The following TRPC3 variants were observed in gnomAD, a reference collection of about 807,000 sequenced individuals.
TRPC3 encodes the protein short transient receptor potential channel 3.
TRPC3 carries 54 observed loss-of-function variants against 90.9 expected under a neutral mutation model. That is an observed-to-expected ratio of 0.59 (90% confidence interval 0.48 to 0.75). The LOEUF (loss-of-function observed/expected upper bound fraction) is 0.75, where lower values mean the gene tolerates loss of function less well. TRPC3 is among the 30% of genes least tolerant of loss of function. The pLI, the probability that TRPC3 is intolerant of heterozygous loss-of-function variation, is 0.00. For synonymous variants in TRPC3, 424 were observed against 450.9 expected, an observed-to-expected ratio of 0.94 and a Z score of 0.75; for missense variants, 918 against 1,194.5, an observed-to-expected ratio of 0.77 and a Z score of 3.41.
intron 3 of TRPC3, among the ~76,000 whole-genome samples, chr4:121,917,045 C>A (rs1560703963): frequency 2.0e-5 from 3 of 152,226 alleles, no homozygotes; most frequent in Admixed American, 2.0e-4. Context: ...TTATAAACCA[C>A]CCAGCCTATG....
chr4:121,913,452 C>T (rs1413402145), intron 4 of TRPC3, among the ~76,000 whole-genome samples: 1 of 152,168 alleles, frequency 6.6e-6, no homozygotes, highest in Non-Finnish European at 1.5e-5. Flanking sequence ...CCATGTTTCC[C>T]TTCTCTGCAG....
At chr4:121,892,672 C>CT (rs1400642947) in intron 10 of TRPC3, among the ~76,000 whole-genome samples, 5 of 152,086 alleles carry the variant, frequency 3.3e-5, no homozygotes, top group African/African-American at 1.2e-4. Context: ...AATAAGGGGA[C>CT]TACTTTAAAA....
chr4:121,879,654 C>A lies in TRPC3; in HGVS notation c.*82G>T. The A allele has an allele frequency of 6.8e-7, 1 of 1,468,588 alleles. No homozygotes were observed. The highest frequency in any genetic ancestry group is 9.2e-7 in the Non-Finnish European group (1 of 1,090,476). The allele number at this position is 1,468,588 out of a possible 1,614,324, so 91.0% of individuals were successfully genotyped here. A position where few individuals can be genotyped will look rare whatever the true frequency, so the allele number is the denominator to read the frequency against. On this transcript the variant is annotated 3_prime_UTR_variant, in exon 12 of 12. Coordinates refer to ENST00000379645, the MANE Select transcript of TRPC3 (RefSeq NM_001130698.2). ...GGTAGTTAATACTAAAAATTTACAT[C>A]ATAGTTTTTCAAGTATTTCATACTT... is the stretch of plus-strand genomic sequence containing the variant.
chr4:121,908,406 T>C (rs1348514655), intron 6 of TRPC3, among the ~76,000 whole-genome samples: 1 of 152,138 alleles, frequency 6.6e-6, no homozygotes, highest in African/African-American at 2.4e-5. Flanking sequence ...CATATTGTTT[T>C]ACCAAAAGAC....
At chr4:121,895,908 G>A (rs1198924225) in intron 10 of TRPC3, among the ~76,000 whole-genome samples, 3 of 152,002 alleles carry the variant, frequency 2.0e-5, no homozygotes, top group Non-Finnish European at 4.4e-5. Context: ...TATCCCTGAT[G>A]AACATAGATG....
intron 7 of TRPC3, among the ~76,000 whole-genome samples, chr4:121,905,486 A>G (rs1409154095): frequency 6.6e-6 from 1 of 152,164 alleles, no homozygotes; most frequent in African/African-American, 2.4e-5. Context: ...TCCTCACCAG[A>G]CTAATTACCT....
At chr4:121,883,212 A>C (rs1728003506) in intron 10 of TRPC3, among the ~76,000 whole-genome samples, 1 of 152,098 alleles carries the variant, frequency 6.6e-6, no homozygotes, top group Non-Finnish European at 1.5e-5. Context: ...AAGAGAGTAT[A>C]TTTATAAATT....
At chr4:121,918,156 T>G (rs961758430) in intron 3 of TRPC3, among the ~76,000 whole-genome samples, 1 of 152,210 alleles carries the variant, frequency 6.6e-6, no homozygotes, top group Non-Finnish European at 1.5e-5. Flanking sequence ...CTTCTACTCT[T>G]CTGCCATGTG....
intron 1 of TRPC3, among the ~76,000 whole-genome samples, chr4:121,948,429 T>C (rs549371538): frequency 5.9e-5 from 9 of 152,016 alleles, no homozygotes; most frequent in African/African-American, 1.9e-4. Flanking sequence ...TTACAGAGTC[T>C]AATCTCAGCC....
chr4:121,905,289 G>A (rs1330396816), intron 7 of TRPC3, among the ~76,000 whole-genome samples: 1 of 152,076 alleles, frequency 6.6e-6, no homozygotes, highest in Admixed American at 6.5e-5. Flanking sequence ...CAAGGGTAGG[G>A]AGAAGGACAG....
intron 2 of TRPC3, among the ~76,000 whole-genome samples, chr4:121,926,826 C>T (rs1240024659): frequency 1.3e-5 from 2 of 152,162 alleles, no homozygotes; most frequent in Non-Finnish European, 2.9e-5. Flanking sequence ...AGTCCTCAGA[C>T]CAGCAGCATC....
chr4:121,879,980 G>A (rs1234440584), intron 11 of TRPC3, 102 bp from the exon 12 acceptor site: 2 of 1,130,636 alleles, frequency 1.8e-6, no homozygotes, highest in Admixed American at 6.7e-5. Flanking sequence ...GCTTCATAAG[G>A]TCTCCAAGGT....
chr4:121,878,986 A>G lies in TRPC3; in HGVS notation c.*750T>C, dbSNP rs1399707502. The G allele has an allele frequency of 7.9e-5, 12 of 152,242 alleles. No individual in the cohort carries two copies. Among genetic ancestry groups the G allele is most frequent in the Admixed American group, 7.9e-4 (12 of 15,282 alleles). The allele number at this position is 152,242 out of a possible 1,614,324, so 9.4% of individuals were successfully genotyped here. A position where few individuals can be genotyped will look rare whatever the true frequency, so the allele number is the denominator to read the frequency against. On this transcript the variant is annotated 3_prime_UTR_variant, in exon 12 of 12. Transcript: ENST00000379645. Reference sequence around the variant, plus strand: ...AACTTAAAAGAAAATCACATTACTGAAAAACAACAAACGTAAGTCTAAGAC... The same window carrying G: ...AACTTAAAAGAAAATCACATTACTGGAAAACAACAAACGTAAGTCTAAGAC...
At position 121,948,364 on chromosome 4, in the gene TRPC3, GTT is replaced by G. The variant is rs79971079; in HGVS notation, c.215+3100_215+3101del. On this transcript the variant is annotated intron_variant, in intron 1 of 11. Transcript: ENST00000379645. ...TGCAAAATTCCATAGATTCTAGCTG[GTT>G]TTTTTTTTTTTCCCTCAATTTCTCC... is the stretch of plus-strand genomic sequence containing the variant. Among the ~76,000 whole-genome samples the G allele has an allele frequency of 4.0e-4, 28 of 70,678 alleles. 1 individual carries two copies. The highest frequency in any genetic ancestry group is 5.0e-4 in the Non-Finnish European group (15 of 30,168). The allele number at this position is 70,678 out of a possible 152,430, so 46.4% of individuals were successfully genotyped here.
At chr4:121,948,874 GT>G (rs11331409) in intron 1 of TRPC3, among the ~76,000 whole-genome samples, 102,741 of 143,708 alleles carry the variant, frequency 0.71, 36,427 homozygotes, top group East Asian at 0.82. Context: ...TGTTGTTGTT[GT>G]TTTTTTTTAA....
rs1727781180 is a variant in TRPC3, at chr4:121,877,048, G to T, written c.*2688C>A. On this transcript the variant is annotated 3_prime_UTR_variant, in exon 12 of 12. Transcript: ENST00000379645. ...TGAGTTGCCCCAACAACTTCTTTGA[G>T]GTTTGTTTTCCCAAAGGTACCTGTT... Among the ~76,000 whole-genome samples the T allele has an allele frequency of 6.6e-6, 1 of 152,098 alleles. No homozygotes were observed. The highest frequency in any genetic ancestry group is 1.5e-5 in the Non-Finnish European group (1 of 68,004).
At chr4:121,883,704 T>C (rs911903837) in intron 10 of TRPC3, among the ~76,000 whole-genome samples, 2 of 152,158 alleles carry the variant, frequency 1.3e-5, no homozygotes, top group African/African-American at 4.8e-5. Flanking sequence ...TTGAAGACAA[T>C]TTAGTACTAT....
At position 121,946,877 on chromosome 4, in the gene TRPC3, T is replaced by G. The variant is rs2149156573; in HGVS notation, c.215+4589A>C. Among the ~76,000 whole-genome samples, 2 of 152,264 alleles carry G rather than the reference T, an allele frequency of 1.3e-5. 1 individual carries two copies. The highest frequency in any genetic ancestry group is 3.9e-4 in the East Asian group (2 of 5,190). On this transcript the variant is annotated intron_variant, in intron 1 of 11. Coordinates refer to ENST00000379645, the MANE Select transcript of TRPC3 (RefSeq NM_001130698.2). Reference sequence around the variant, plus strand: ...ACAACTGATAATATAAAGAAAAGTTTCAGAGTATTAAAGGCCTCAAGGCTG... The same window carrying G: ...ACAACTGATAATATAAAGAAAAGTTGCAGAGTATTAAAGGCCTCAAGGCTG...
chr4:121,886,241 T>C lies in TRPC3; in HGVS notation c.2548-3812A>G, dbSNP rs373986061. Among the ~76,000 whole-genome samples the C allele has an allele frequency of 5.3e-5, 8 of 152,324 alleles. No homozygotes were observed. The East Asian group carries it at 1.3e-3, about 26-fold the overall frequency. ...AATAATTGTTAAGCACTCTATCAGG[T>C]ACTTTTACATTCATTCTCTCACTTA... On this transcript the variant is annotated intron_variant, in intron 10 of 11. Transcript: ENST00000379645.
Sources: gnomAD v4.1 joint callset for allele counts (sites outside exome capture counted in the v4.1 genomes callset) on GRCh38, gnomAD v4.1.1 for gene constraint, MANE v1.5 for transcripts, NCBI Gene and HGNC (gene_info 2026-07-23, HGNC 2026-07-21) for gene names.